The following SYT9 variants were observed in gnomAD, a reference collection of about 807,000 sequenced individuals.
SYT9 encodes synaptotagmin 9.
SYT9 carries 22 observed loss-of-function variants against 48.4 expected under a neutral mutation model. That is an observed-to-expected ratio of 0.45 (90% CI 0.32 to 0.65). The LOEUF is 0.65. SYT9 is among the 30% of genes least tolerant of loss of function. The pLI is 0.03. For missense variants in SYT9, 577 were observed against 622.0 expected (o/e 0.93, Z 0.77); for synonymous variants, 265 against 245.0 (o/e 1.08, Z -0.76).
At chr11:7,390,503 T>C (rs1850743133) in intron 3 of SYT9, among the ~76,000 whole-genome samples, 1 of 152,108 alleles carries the variant, frequency 6.6e-6, no homozygotes. Context: ...ATTTTAAACA[T>C]GGTTTAAATG....
chr11:7,373,284 G>GTT, intron 3 of SYT9, among the ~76,000 whole-genome samples: 1 of 152,206 alleles, frequency 6.6e-6, no homozygotes, highest in South Asian at 2.1e-4. Flanking sequence ...AAACTTAATA[G>GTT]AAGAGTTGGA....
At chr11:7,436,159 A>G (rs1185018512) in intron 6 of SYT9, among the ~76,000 whole-genome samples, 2 of 152,180 alleles carry the variant, frequency 1.3e-5, no homozygotes, top group East Asian at 1.9e-4. Flanking sequence ...CACCATCACT[A>G]TCCACTCCAT....
chr11:7,357,204 A>G (rs745881262), intron 3 of SYT9, among the ~76,000 whole-genome samples: 8 of 152,158 alleles, frequency 5.3e-5, no homozygotes, highest in Non-Finnish European at 1.0e-4. Context: ...CACCATGGAA[A>G]CCTACCGAAG....
At position 7,465,803 on chromosome 11, in the gene SYT9, A is replaced by T. The variant is rs188606594; in HGVS notation, c.1468-989A>T. On this transcript the variant is annotated intron_variant, in intron 6 of 6. Transcript: ENST00000318881. ...AGAATCATGGCAGGAGGCAAAAGGC[A>T]CTTCTTACATGGCAGCAGCAAGAGA... 3.8e-5 allele frequency: 7 copies of T among 186,016 alleles called. 1 individual carries two copies. Among genetic ancestry groups the T allele is most frequent in the African/African-American group, 9.5e-5 (4 of 41,966 alleles). 11.5% of individuals were successfully genotyped at this position (186,016 alleles called of 1,614,324 possible). A position where few individuals can be genotyped will look rare whatever the true frequency, so the allele number is the denominator to read the frequency against.
intron 1 of SYT9, among the ~76,000 whole-genome samples, chr11:7,292,012 A>G (rs1228243681): frequency 6.6e-6 from 1 of 152,184 alleles, no homozygotes; most frequent in African/African-American, 2.4e-5. Flanking sequence ...TTTCCAATCA[A>G]TCAAAAAACT....
chr11:7,346,891 T>C (rs1446083286), intron 3 of SYT9, among the ~76,000 whole-genome samples: 1 of 152,242 alleles, frequency 6.6e-6, no homozygotes, highest in Admixed American at 6.5e-5. Context: ...GTTCTTCACT[T>C]GCAATTTTTA....
intron 1 of SYT9, among the ~76,000 whole-genome samples, chr11:7,245,367 A>T (rs1847780192): frequency 6.6e-6 from 1 of 152,122 alleles, no homozygotes. Context: ...ATTCAGGGAC[A>T]TTGTAGGTGA....
chr11:7,466,940 C>G lies in SYT9; in HGVS notation c.*140C>G. 1.0e-5 allele frequency: 11 copies of G among 1,080,408 alleles called. No homozygotes were observed. The highest frequency in any genetic ancestry group is 2.1e-4 in the Middle Eastern group (1 of 4,796). The allele number at this position is 1,080,408 out of a possible 1,614,324, so 66.9% of individuals were successfully genotyped here. ...CAGCTGTAACCACAGCACTAACTGG[C>G]CTTCTTTCCAGATTGGGTTTGGTGA... On this transcript the variant is annotated 3_prime_UTR_variant, in exon 7 of 7. Coordinates refer to ENST00000318881, the MANE Select transcript of SYT9 (RefSeq NM_175733.4).
In SYT9 at chr11:7,395,399, TGTTA is replaced by T. The variant is rs564088948; in HGVS notation, c.1045-20639_1045-20636del. The stretch of plus-strand genomic sequence containing the variant: ...GTCTAATTTAAATCTATAATTTGTT[TGTTA>T]GTTTTCTACAAAGAGAGAATCTGTC... On this transcript the variant is annotated intron_variant, in intron 3 of 6. Coordinates refer to ENST00000318881, the MANE Select transcript of SYT9 (RefSeq NM_175733.4). Among the ~76,000 whole-genome samples, 724 of 152,250 alleles carry T rather than the reference TGTTA, an allele frequency of 4.8e-3. 2 individuals are homozygous for T. The highest frequency in any genetic ancestry group is 8.2e-3 in the Non-Finnish European group (557 of 67,966).
At chr11:7,333,095 G>A (rs1849569780) in intron 3 of SYT9, among the ~76,000 whole-genome samples, 1 of 152,204 alleles carries the variant, frequency 6.6e-6, no homozygotes, top group South Asian at 2.1e-4. Flanking sequence ...CAGTAGCTAA[G>A]TGTAGTCTAA....
chr11:7,310,978 G>A (rs1849122574), intron 2 of SYT9, among the ~76,000 whole-genome samples: 1 of 152,122 alleles, frequency 6.6e-6, no homozygotes. Context: ...ACACTACTAA[G>A]TAGCCAAATC....
rs1848259182 is a variant in SYT9, at chr11:7,269,651, G to A, written c.145+17320G>A. 3.3e-5 allele frequency among the ~76,000 whole-genome samples: 5 copies of A among 152,112 alleles called. No homozygotes were observed. The South Asian group carries it at 1.0e-3, about 32-fold the overall frequency. On this transcript the variant is annotated intron_variant, in intron 1 of 6. Coordinates refer to ENST00000318881, the MANE Select transcript of SYT9 (RefSeq NM_175733.4). ...TGAGAGAGACAAAAACCTCACTTTCGACCTGAGTCTACTCTTCTAGAGTAA... is the reference window on the plus strand; with the variant it reads ...TGAGAGAGACAAAAACCTCACTTTCAACCTGAGTCTACTCTTCTAGAGTAA...
chr11:7,447,652 AT>A (rs1847959318), intron 6 of SYT9, among the ~76,000 whole-genome samples: 1 of 152,226 alleles, frequency 6.6e-6, no homozygotes, highest in Non-Finnish European at 1.5e-5. Context: ...CAGATACTGT[AT>A]CTCATTCATC....
At chr11:7,438,060 T>G (rs1014237023) in intron 6 of SYT9, 2 of 152,176 alleles carry the variant, frequency 1.3e-5, no homozygotes, top group Non-Finnish European at 2.9e-5. Context: ...AAGAGTCTGG[T>G]GGGGGAGTCT....
At chr11:7,347,799 G>A (rs556877133) in intron 3 of SYT9, among the ~76,000 whole-genome samples, 10 of 152,190 alleles carry the variant, frequency 6.6e-5, no homozygotes, top group East Asian at 5.8e-4. Flanking sequence ...AGGACAGAGC[G>A]TGAAAGAGTG....
chr11:7,450,807 C>G (rs1188891814), intron 6 of SYT9, among the ~76,000 whole-genome samples: 1 of 152,206 alleles, frequency 6.6e-6, no homozygotes, highest in Non-Finnish European at 1.5e-5. Flanking sequence ...CACATGCCGA[C>G]ACATGTCAGC....
At position 7,240,502 on chromosome 11, in the gene SYT9, T is replaced by A. The variant is rs1297959748; in HGVS notation, c.49+1586T>A. Among the ~76,000 whole-genome samples the A allele has an allele frequency of 3.3e-5, 5 of 152,218 alleles. No homozygotes were observed. In the South Asian group the frequency reaches 1.0e-3, roughly 32 times the overall value. ...GACATTTTCCTCATAAATGTCATAGTAAATGGCTGAAAACCAGCCTCCACA... is the reference window on the plus strand; with the variant it reads ...GACATTTTCCTCATAAATGTCATAGAAAATGGCTGAAAACCAGCCTCCACA... On this transcript the variant is annotated intron_variant and NMD_transcript_variant, in intron 1 of 8. Coordinates refer to the SYT9 transcript ENST00000524820.
At chr11:7,443,853 G>A (rs1847878563) in intron 6 of SYT9, among the ~76,000 whole-genome samples, 1 of 152,200 alleles carries the variant, frequency 6.6e-6, no homozygotes, top group Admixed American at 6.5e-5. Context: ...TGAATGCATG[G>A]ATTTTGCATA....
intron 6 of SYT9, chr11:7,440,371 C>T (rs1847808275): frequency 6.6e-6 from 1 of 152,150 alleles, no homozygotes; most frequent in Non-Finnish European, 1.5e-5. Context: ...AGGAGGACCC[C>T]CGCTCACTTA....
Sources: gnomAD v4.1 joint callset for allele counts (sites outside exome capture counted in the v4.1 genomes callset) on GRCh38, gnomAD v4.1.1 for gene constraint, MANE v1.5 for transcripts, NCBI Gene and HGNC (gene_info 2026-07-23, HGNC 2026-07-21) for gene names.